Variants in DENND1A observed in about 807,000 individuals in gnomAD.
DENND1A encodes DENN domain containing 1A.
DENND1A carries 51 observed loss-of-function variants against 113.7 expected under a neutral mutation model. The ratio of observed to expected loss-of-function variants is 0.45; its 90% CI spans 0.36 to 0.57. The LOEUF is 0.57. DENND1A is among the 20% of genes least tolerant of loss of function. The pLI, the probability that DENND1A is intolerant of heterozygous loss-of-function variation, is 0.00. For synonymous variants in DENND1A, 565 were observed against 570.8 expected, an observed-to-expected ratio of 0.99 and a Z score of 0.14; for missense variants, 1,258 against 1,395.9, an observed-to-expected ratio of 0.90 and a Z score of 1.57.
intron 2 of DENND1A, among the ~76,000 whole-genome samples, chr9:123,821,961 AAAG>A (rs1387334794): frequency 6.6e-6 from 1 of 152,248 alleles, no homozygotes; most frequent in Non-Finnish European, 1.5e-5. Context: ...CACTGGCCTT[AAAG>A]AAGAAAATCA....
intron 12 of DENND1A, among the ~76,000 whole-genome samples, chr9:123,574,173 C>CTTTTTTTT (rs542615815): frequency 9.1e-6 from 1 of 110,126 alleles, no homozygotes; most frequent in African/African-American, 3.5e-5. Flanking sequence ...CTGTAGTTGC[C>CTTTTTTTT]TTTTTTTTTT....
At chr9:123,516,179 A>G (rs1186272491) in intron 13 of DENND1A, among the ~76,000 whole-genome samples, 3 of 151,974 alleles carry the variant, frequency 2.0e-5, no homozygotes, top group Non-Finnish European at 4.4e-5. Context: ...AGAGTAGGGT[A>G]GAAAACAAAT....
At chr9:123,534,657 C>T (rs1260561269) in intron 13 of DENND1A, among the ~76,000 whole-genome samples, 2 of 152,160 alleles carry the variant, frequency 1.3e-5, no homozygotes, top group South Asian at 2.1e-4. Context: ...TCTGCCTTCC[C>T]GATTTTTGCT....
chr9:123,580,929 T>G (rs570909163), intron 12 of DENND1A, among the ~76,000 whole-genome samples: 2 of 152,292 alleles, frequency 1.3e-5, no homozygotes, highest in South Asian at 4.1e-4. Flanking sequence ...GCTGTGCCCC[T>G]AATCACCTAC....
chr9:123,481,174 G>A (rs1469359411), intron 13 of DENND1A, among the ~76,000 whole-genome samples: 1 of 152,222 alleles, frequency 6.6e-6, no homozygotes, highest in Non-Finnish European at 1.5e-5. Context: ...CCAAATTGGA[G>A]GGAATTCAGG....
chr9:123,604,819 A>G (rs2060081175), intron 11 of DENND1A, among the ~76,000 whole-genome samples: 1 of 152,198 alleles, frequency 6.6e-6, no homozygotes, highest in Non-Finnish European at 1.5e-5. Flanking sequence ...TGGGAACCCA[A>G]GAGCTCCTAA....
At chr9:123,889,211 C>T (rs1849555608) in intron 1 of DENND1A, among the ~76,000 whole-genome samples, 1 of 152,096 alleles carries the variant, frequency 6.6e-6, no homozygotes, top group African/African-American at 2.4e-5. Context: ...AGGTAGATCC[C>T]TTACTTGTTA....
chr9:123,661,739 C>T (rs545897420), intron 8 of DENND1A, among the ~76,000 whole-genome samples: 48 of 152,234 alleles, frequency 3.2e-4, no homozygotes, highest in Non-Finnish European at 4.0e-4. Flanking sequence ...AGGAGAAGAA[C>T]ACTTTTTAAA....
chr9:123,380,052 G>A lies in DENND1A; in HGVS notation c.*1380C>T, dbSNP rs1288118008. On this transcript the variant is annotated 3_prime_UTR_variant, in exon 24 of 24. Transcript: ENST00000394215. Reference sequence around the variant, plus strand: ...AGCCTCACTGAGCATGTGCAGCAGTGGCAGCCTCTCAGACATAGAGGGGGC... The same window carrying A: ...AGCCTCACTGAGCATGTGCAGCAGTAGCAGCCTCTCAGACATAGAGGGGGC... 1 of 152,282 alleles carries A rather than the reference G, an allele frequency of 6.6e-6. No individual in the cohort carries two copies. The highest frequency in any genetic ancestry group is 2.4e-5 in the African/African-American group (1 of 41,460). The allele number at this position is 152,282 out of a possible 1,614,324, so 9.4% of individuals were successfully genotyped here.
intron 13 of DENND1A, among the ~76,000 whole-genome samples, chr9:123,480,436 C>T (rs1412061007): frequency 1.3e-5 from 2 of 152,240 alleles, no homozygotes; most frequent in Non-Finnish European, 1.5e-5. Flanking sequence ...ATCATTGCTA[C>T]AGGCCTGGAG....
intron 5 of DENND1A, among the ~76,000 whole-genome samples, chr9:123,719,651 T>TTG (rs1161448065): frequency 6.6e-6 from 1 of 152,202 alleles, no homozygotes; most frequent in African/African-American, 2.4e-5. Flanking sequence ...TTTTTTAATT[T>TTG]TGAAGTATTT....
At chr9:123,722,514 C>T (rs1246234176) in intron 5 of DENND1A, among the ~76,000 whole-genome samples, 2 of 152,062 alleles carry the variant, frequency 1.3e-5, no homozygotes, top group African/African-American at 4.8e-5. Context: ...ATCACAGGCC[C>T]GGAGGTTTAG....
At chr9:123,475,372 G>A (rs578011446) in intron 13 of DENND1A, among the ~76,000 whole-genome samples, 12 of 152,282 alleles carry the variant, frequency 7.9e-5, no homozygotes, top group African/African-American at 2.6e-4. Context: ...AATAGCATCC[G>A]ATAAACGGTT....
At chr9:123,902,956 A>T (rs571050075) in intron 1 of DENND1A, among the ~76,000 whole-genome samples, 5 of 152,338 alleles carry the variant, frequency 3.3e-5, no homozygotes, top group African/African-American at 1.2e-4. Flanking sequence ...TCCAAAAAAG[A>T]ATAGTATAAC....
chr9:123,440,482 C>T lies in DENND1A; in HGVS notation c.1366G>A (p.Glu456Lys), dbSNP rs776486544. ...TCTGGGGTGGGGGCGCAGCCATTCT[C>T]GGCAATGTCCTGTAGGGAGAAGGAT... ...KNRLKQKDIA[E>K]NGCAPTPEEQ... The change falls in exon 19 of 24, where the codon GAG (glutamate) becomes AAG (lysine). Residue 456 changes from glutamate to lysine, a missense_variant. This residue lies in a region of DENND1A where 1,159 missense variants were observed against 1,231.7 expected (regional missense o/e 0.94). Transcript: ENST00000394215. 5.7e-6 allele frequency: 9 copies of T among 1,571,688 alleles called. No homozygotes were observed. The highest frequency in any genetic ancestry group is 2.4e-5 in the East Asian group (1 of 42,428).
chr9:123,443,557 G>A (rs891896828), intron 18 of DENND1A, among the ~76,000 whole-genome samples: 2 of 152,226 alleles, frequency 1.3e-5, no homozygotes, highest in African/African-American at 4.8e-5. Flanking sequence ...TGTGGTGCAG[G>A]CCACCAATTT....
chr9:123,544,646 T>C (rs1327656743), intron 13 of DENND1A, among the ~76,000 whole-genome samples: 9 of 152,232 alleles, frequency 5.9e-5, no homozygotes, highest in Non-Finnish European at 2.9e-5. Flanking sequence ...AAAATGGGGC[T>C]GTGCATGCTC....
chr9:123,823,922 A>C (rs1352054552), intron 2 of DENND1A, among the ~76,000 whole-genome samples: 1 of 152,166 alleles, frequency 6.6e-6, no homozygotes, highest in South Asian at 2.1e-4. Context: ...AAATTAGGAG[A>C]ATGATCCTAA....
chr9:123,867,123 C>A (rs1248803588), intron 2 of DENND1A, among the ~76,000 whole-genome samples: 1 of 152,104 alleles, frequency 6.6e-6, no homozygotes, highest in South Asian at 2.1e-4. Context: ...GTAAAGCTTT[C>A]TTTTTCTAAA....
Sources: gnomAD v4.1 joint callset for allele counts (sites outside exome capture counted in the v4.1 genomes callset) on GRCh38, gnomAD v4.1.1 for gene constraint, gnomAD v4.1.1 regional missense constraint, MANE v1.5 for transcripts, NCBI Gene and HGNC (gene_info 2026-07-23, HGNC 2026-07-21) for gene names.